The following ELFN1 variants were observed in gnomAD, a reference collection of about 807,000 sequenced individuals.
ELFN1 encodes the protein extracellular leucine rich repeat and fibronectin type III domain containing 1, also known as protein ELFN1.
ELFN1 carries 6 observed loss-of-function variants against 7.6 expected under a neutral mutation model. The observed-to-expected ratio is 0.79, with a 90% CI of 0.43 to 1.56. ELFN1 has a LOEUF of 1.56. Ranked by LOEUF, ELFN1 falls within the 40% of genes most tolerant of loss-of-function variation. The pLI, the probability that ELFN1 is intolerant of heterozygous loss-of-function variation, is 0.01. For synonymous variants in ELFN1, 657 were observed against 588.1 expected, an observed-to-expected ratio of 1.12 and a Z score of -1.70; for missense variants, 1,169 against 1,232.2, an observed-to-expected ratio of 0.95 and a Z score of 0.77.
intron 3 of ELFN1, among the ~76,000 whole-genome samples, chr7:1,733,146 C>T (rs923158712): frequency 6.6e-6 from 1 of 152,146 alleles, no homozygotes; most frequent in Non-Finnish European, 1.5e-5. Context: ...AGTGATCCAC[C>T]CACCTCGGCT....
chr7:1,711,791 G>A (rs991185988), intron 3 of ELFN1, among the ~76,000 whole-genome samples: 11 of 152,052 alleles, frequency 7.2e-5, no homozygotes, highest in Admixed American at 1.3e-4. Flanking sequence ...ATGTGAGGGC[G>A]TCCCCACAGA....
At chr7:1,725,442 GAGAC>G (rs1210610048) in intron 3 of ELFN1, among the ~76,000 whole-genome samples, 2 of 148,604 alleles carry the variant, frequency 1.3e-5, no homozygotes, top group East Asian at 4.2e-4. Context: ...AGGCGGGAGC[GAGAC>G]AGACGGGAGG....
At chr7:1,734,416 T>A (rs1203926987) in intron 3 of ELFN1, among the ~76,000 whole-genome samples, 1 of 152,210 alleles carries the variant, frequency 6.6e-6, no homozygotes, top group African/African-American at 2.4e-5. Context: ...GACCATTAAA[T>A]GTTTGAGTCT....
At chr7:1,725,836 CAT>C (rs1281497627) in intron 3 of ELFN1, among the ~76,000 whole-genome samples, 1 of 152,012 alleles carries the variant, frequency 6.6e-6, no homozygotes, top group Non-Finnish European at 1.5e-5. Context: ...CTCAGACACA[CAT>C]AATACACACT....
At chr7:1,704,104 A>G (rs943829458) in intron 2 of ELFN1, among the ~76,000 whole-genome samples, 3 of 152,210 alleles carry the variant, frequency 2.0e-5, no homozygotes, top group African/African-American at 7.2e-5. Context: ...AAGTCAGCCC[A>G]TGGGAGGGCC....
At chr7:1,677,522 G>A (rs1778894177) in intron 1 of ELFN1, among the ~76,000 whole-genome samples, 1 of 152,180 alleles carries the variant, frequency 6.6e-6, no homozygotes, top group African/African-American at 2.4e-5. Flanking sequence ...AGGGGTGTGT[G>A]TAGGTTCGCG....
At position 1,720,733 on chromosome 7, in the gene ELFN1, C is replaced by T. The variant is rs377380763; in HGVS notation, c.-294+11481C>T. Among the ~76,000 whole-genome samples, 358 of 151,202 alleles carry T rather than the reference C, an allele frequency of 2.4e-3. 2 individuals are homozygous for T. Among genetic ancestry groups the T allele is most frequent in the African/African-American group, 8.3e-3 (341 of 41,164 alleles). ...GGGATCCCTTCCTCCCCCCAGCACC[C>T]CCCACCCCCCGCACCTAGTACTTGG... On this transcript the variant is annotated intron_variant, in intron 3 of 3. Coordinates refer to ENST00000424383, the MANE Select transcript of ELFN1 (RefSeq NM_001128636.4).
chr7:1,732,945 G>A (rs1780354510), intron 3 of ELFN1, among the ~76,000 whole-genome samples: 1 of 152,090 alleles, frequency 6.6e-6, no homozygotes, highest in African/African-American at 2.4e-5. Flanking sequence ...CTGTCACCCA[G>A]GCTGGAGTGC....
In ELFN1 at chr7:1,745,349, C is replaced by T. The variant is rs774207674; in HGVS notation, c.753C>T (p.Thr251=). The change falls in exon 4 of 4, where the codon ACC becomes ACT. Residue 251 remains threonine (T), a synonymous_variant. Transcript: ENST00000424383. ...TCAGCAAACTGCAGTCAGTCTGCAC[C>T]GAGGACTCGTACGCGGCTGAGGTGG... ...SILSKLQSVC[T]EDSYAAEVVG... is the part of the protein sequence containing the mutation. 16 of 1,539,802 alleles carry T rather than the reference C, an allele frequency of 1.0e-5. No homozygotes were observed. Among genetic ancestry groups the T allele is most frequent in the Non-Finnish European group, 1.3e-5 (15 of 1,146,562 alleles).
chr7:1,671,006 A>G (rs941287880), intron 1 of ELFN1, among the ~76,000 whole-genome samples: 2 of 152,088 alleles, frequency 1.3e-5, no homozygotes, highest in African/African-American at 4.8e-5. Context: ...CCTGGAGTCC[A>G]TCCTCGTCCT....
intron 3 of ELFN1, among the ~76,000 whole-genome samples, chr7:1,710,326 G>T (rs1183990149): frequency 1.3e-5 from 2 of 152,202 alleles, no homozygotes; most frequent in African/African-American, 4.8e-5. Context: ...TCTGCTCGTG[G>T]TCAGATGGTT....
intron 2 of ELFN1, among the ~76,000 whole-genome samples, chr7:1,696,285 AGAGAGAGAGAGG>A (rs948790310): frequency 1.3e-5 from 2 of 151,186 alleles, no homozygotes; most frequent in African/African-American, 4.9e-5. Context: ...ATGGAGAGAG[AGAGAGAGAGAGG>A]GAGAGAGAAA....
intron 2 of ELFN1, among the ~76,000 whole-genome samples, chr7:1,708,103 C>G (rs116511012): frequency 6.6e-6 from 1 of 152,184 alleles, no homozygotes; most frequent in Non-Finnish European, 1.5e-5. Flanking sequence ...CTGCACCCCA[C>G]CAGCACCCCA....
Position 1,746,833 on chromosome 7 carries a change from G to A in ELFN1, c.2237G>A (p.Arg746His), listed in dbSNP as rs933268572. The change falls in exon 4 of 4, where the codon CGC becomes CAC. Residue 746 changes from arginine to histidine, a missense_variant. Arg to His is a conservative substitution (Grantham distance 29). Coordinates refer to ENST00000424383, the MANE Select transcript of ELFN1 (RefSeq NM_001128636.4). The part of the protein sequence containing the change: ...ILEPLTRPRP[R>H]DLAYSQLSPQ... Reference sequence around the variant, plus strand: ...GAGCCACTCACCCGGCCGCGGCCCCGCGACCTCGCCTACTCGCAGCTGTCC... The same window carrying A: ...GAGCCACTCACCCGGCCGCGGCCCCACGACCTCGCCTACTCGCAGCTGTCC... 7 of 1,535,934 alleles carry A rather than the reference G, an allele frequency of 4.6e-6. No homozygotes were observed. Among genetic ancestry groups the A allele is most frequent in the Admixed American group, 4.0e-5 (2 of 49,400 alleles).
chr7:1,666,630 G>A (rs2128571125), upstream of ELFN1, among the ~76,000 whole-genome samples: 1 of 152,122 alleles, frequency 6.6e-6, no homozygotes, highest in Middle Eastern at 3.4e-3. This position sits in a 1 kb window ranked among gnomAD's most constrained non-coding sequence, Gnocchi z 7.9. Flanking sequence ...AGCCGGCTGG[G>A]CAGAAAGAGG....
At chr7:1,734,685 T>C (rs1333179489) in intron 3 of ELFN1, among the ~76,000 whole-genome samples, 1 of 151,846 alleles carries the variant, frequency 6.6e-6, no homozygotes, top group Non-Finnish European at 1.5e-5. Context: ...GAGGCAGGAA[T>C]CTGCATTTTC....
intron 1 of ELFN1, among the ~76,000 whole-genome samples, chr7:1,678,046 T>G (rs1778905387): frequency 6.6e-6 from 1 of 152,136 alleles, no homozygotes; most frequent in East Asian, 1.9e-4. Flanking sequence ...AGACAGCTTT[T>G]CAGAGAAACA....
chr7:1,712,174 GTTTCT>G (rs372598967), intron 3 of ELFN1, among the ~76,000 whole-genome samples: 135 of 152,266 alleles, frequency 8.9e-4, no homozygotes, highest in African/African-American at 1.3e-3. Context: ...AAGTTTGTCT[GTTTCT>G]TTTCTTTTCT....
In ELFN1 at chr7:1,695,378, A is replaced by G. The variant is rs979183012; in HGVS notation, c.-456+7228A>G. 2.0e-5 allele frequency among the ~76,000 whole-genome samples: 3 copies of G among 152,170 alleles called. No homozygotes were observed. The highest frequency in any genetic ancestry group is 7.2e-5 in the African/African-American group (3 of 41,448). ...CTCCCTAAAGGGCAGGAGCAGGACC[A>G]TTGGCACAAGCCTGGGCGAGTCTCG... On this transcript the variant is annotated intron_variant, in intron 2 of 3. Coordinates refer to ENST00000424383, the MANE Select transcript of ELFN1 (RefSeq NM_001128636.4). This position sits in a 1 kb window ranked among gnomAD's most constrained non-coding sequence, Gnocchi z 5.1.
Sources: gnomAD v4.1 joint callset for allele counts (sites outside exome capture counted in the v4.1 genomes callset) on GRCh38, gnomAD v4.1.1 for gene constraint, Gnocchi (gnomAD v3.1) non-coding constraint, MANE v1.5 for transcripts, NCBI Gene and HGNC (gene_info 2026-07-23, HGNC 2026-07-21) for gene names.